Variants in ADGRD2 observed in about 807,000 individuals in gnomAD.
ADGRD2 encodes G protein-coupled receptor PGR24.
Under a neutral mutation model 44.4 loss-of-function variants are expected in ADGRD2, and 71 were observed. That is an observed-to-expected ratio of 1.60 (90% CI 1.32 to 1.95). The LOEUF is 1.95. Ranked by LOEUF, ADGRD2 falls within the 30% of genes most tolerant of loss-of-function variation. ADGRD2 has a pLI of 0.00. For missense variants in ADGRD2, 1,039 were observed against 512.4 expected, an observed-to-expected ratio of 2.03 and a Z score of -9.92; for synonymous variants, 481 against 224.8, an observed-to-expected ratio of 2.14 and a Z score of -10.19.
chr9:124,453,324 C>G (rs1373192900), exon 3 of ADGRD2: 3 of 496,398 alleles, frequency 6.0e-6, no homozygotes, highest in Non-Finnish European at 1.0e-5. Context: ...GCCGCTGGCA[C>G]CATGTGTGCG....
At chr9:124,466,981 GAACACC>G (rs1227796734) in intron 11 of ADGRD2, 1 of 152,774 alleles carries the variant, frequency 6.5e-6, no homozygotes, top group African/African-American at 2.4e-5. Flanking sequence ...TCACTACAAG[GAACACC>G]TTGTAGTGTT....
At chr9:124,452,012 A>ACCCCCCC, upstream of ADGRD2, 1 of 129,012 alleles carries the variant, frequency 7.8e-6, no homozygotes, top group Non-Finnish European at 1.6e-5. Context: ...CCTCCCACCC[A>ACCCCCCC]CCCCCAGAGT....
At chr9:124,470,028 G>C (rs565659379) in intron 16 of ADGRD2, among the ~76,000 whole-genome samples, 1 of 152,206 alleles carries the variant, frequency 6.6e-6, no homozygotes, top group African/African-American at 2.4e-5. Flanking sequence ...GACCCCACCG[G>C]CCTTTCCCAG....
exon 11 of ADGRD2, chr9:124,466,298 G>A: frequency 1.4e-6 from 1 of 714,374 alleles, no homozygotes; most frequent in South Asian, 1.5e-5. Flanking sequence ...CCATATACAG[G>A]GGGTGCCTGG....
chr9:124,469,337 T>C (rs1242561200), exon 15 of ADGRD2: 1 of 718,358 alleles, frequency 1.4e-6, no homozygotes, highest in South Asian at 1.5e-5. Flanking sequence ...TCGTGGGGCC[T>C]GTGCTCTTCG....
At chr9:124,460,388 A>ATTTTT (rs1554718954) in intron 10 of ADGRD2, among the ~76,000 whole-genome samples, 47 of 145,224 alleles carry the variant, frequency 3.2e-4, no homozygotes, top group East Asian at 2.2e-3. Flanking sequence ...ATATATATAT[A>ATTTTT]TTTTTTTTTA....
chr9:124,450,537 G>T (rs1241960352), upstream of ADGRD2, among the ~76,000 whole-genome samples: 1 of 152,278 alleles, frequency 6.6e-6, no homozygotes, highest in African/African-American at 2.4e-5. Context: ...GGGAACAGGG[G>T]AGGGACCAGC....
intron 3 of ADGRD2, 74 bp downstream of exon 6, chr9:124,453,750 C>T (rs1831555901): frequency 1.5e-6 from 1 of 646,090 alleles, no homozygotes; most frequent in African/African-American, 1.8e-5. Context: ...CTCGACCCAC[C>T]CCTTGCCAAC....
At chr9:124,452,055 G>T (rs753207580), upstream of ADGRD2, 25 of 713,350 alleles carry the variant, frequency 3.5e-5, no homozygotes, top group Non-Finnish European at 6.5e-5. Context: ...TGAGGGGAGG[G>T]TTGTCCCAGC....
chr9:124,468,231 G>T, intron 13 of ADGRD2, 41 bp downstream of exon 16: 2 of 717,520 alleles, frequency 2.8e-6, no homozygotes, highest in East Asian at 2.7e-5. Context: ...GGGGAAGCCT[G>T]GGAAAGTGCC....
rs557784622 is a variant in ADGRD2 at position 124,452,170 on chromosome 9, C to A, written c.68+12C>A. On this transcript the variant is annotated intron_variant, in intron 1 of 21. Transcript: ENST00000334810. ...TGGGCCCCAGGTTGGTATGAGGGAT[C>A]CCCCCAGGGAGGGTCCCAGTCCCCC... The A allele has an allele frequency of 1.7e-4, 121 of 712,594 alleles. No homozygotes were observed. Among genetic ancestry groups the A allele is most frequent in the Non-Finnish European group, 1.9e-4 (74 of 381,864 alleles). 44.1% of individuals were successfully genotyped at this position (712,594 alleles called of 1,614,324 possible).
At chr9:124,464,030 G>A (rs902502123) in intron 10 of ADGRD2, among the ~76,000 whole-genome samples, 2 of 151,836 alleles carry the variant, frequency 1.3e-5, no homozygotes, top group African/African-American at 4.8e-5. Context: ...TTCAGAGATA[G>A]GATCTCACTT....
upstream of ADGRD2, chr9:124,451,536 C>G (rs960585017): frequency 1.2e-5 from 4 of 323,720 alleles, no homozygotes; most frequent in Non-Finnish European, 1.8e-5. Context: ...AAAGGGCAAA[C>G]GGACCCTGCA....
At chr9:124,456,059 A>G (rs1264621126) in intron 6 of ADGRD2, among the ~76,000 whole-genome samples, 1 of 152,236 alleles carries the variant, frequency 6.6e-6, no homozygotes, top group Non-Finnish European at 1.5e-5. Context: ...GTGCAAGCCC[A>G]TAGTTGATTA....
rs1564139117 is a variant in ADGRD2, at chr9:124,458,225, CAG to C, written c.1754_1755del (p.Arg586GlyfsTer17). 2.1e-5 allele frequency: 15 copies of C among 718,494 alleles called. No individual in the cohort carries two copies. The South Asian group carries it at 2.2e-4, about 11-fold the overall frequency. 44.5% of individuals were successfully genotyped at this position (718,494 alleles called of 1,614,324 possible). On this transcript the variant is annotated frameshift_variant, in exon 9 of 22. Coordinates refer to ENST00000334810, the Ensembl canonical transcript of ADGRD2. LOFTEE classifies it high-confidence loss of function. Reference sequence around the variant, plus strand: ...CCCCTGCCAGCTCAGAGGAGGCAAACAGGGTGCAGAGGTGAGTAGGCGCCACC... The same window carrying C: ...CCCCTGCCAGCTCAGAGGAGGCAAACGGTGCAGAGGTGAGTAGGCGCCACC...
At chr9:124,476,624 C>A in intron 20 of ADGRD2, 55 bp from the exon 24 acceptor site, 2 of 681,852 alleles carry the variant, frequency 2.9e-6, no homozygotes, top group Non-Finnish European at 2.7e-6. Context: ...GTCCCCAGGG[C>A]AAGGGGCAGC....
In ADGRD2 at chr9:124,454,049, T is replaced by C; in HGVS notation, c.976T>C (p.Ser326Pro). ...GAACCCGGGACCTCGCAGTGAGGGCTCTGAGCTCTGCCTGGAGCCGCAGCC... is the reference window on the plus strand; with the variant it reads ...GAACCCGGGACCTCGCAGTGAGGGCCCTGAGCTCTGCCTGGAGCCGCAGCC... The change falls in exon 4 of 22, where the codon TCT becomes CCT. Residue 326 changes from serine to proline, a missense_variant. Ser to Pro is a moderately conservative substitution (Grantham distance 74). Coordinates refer to ENST00000334810, the Ensembl canonical transcript of ADGRD2. The surrounding 1 kb of genome is among the most constrained non-coding windows in gnomAD (Gnocchi z 4.5). 1.4e-6 allele frequency: 1 copy of C among 714,460 alleles called. No individual in the cohort carries two copies. The highest frequency in any genetic ancestry group is 2.6e-6 in the Non-Finnish European group (1 of 383,768). The allele number at this position is 714,460 out of a possible 1,614,324, so 44.3% of individuals were successfully genotyped here.
chr9:124,472,799 C>T (rs1458894344), intron 17 of ADGRD2, among the ~76,000 whole-genome samples: 1 of 152,242 alleles, frequency 6.6e-6, no homozygotes, highest in Non-Finnish European at 1.5e-5. Context: ...TGAGCCACCG[C>T]ACCCAGCCCT....
exon 3 of ADGRD2, chr9:124,453,211 G>T: frequency 1.6e-6 from 1 of 641,684 alleles, no homozygotes; most frequent in South Asian, 1.7e-5. Context: ...GCTGCCCAAC[G>T]CGCTGCAGCT....
Sources: gnomAD v4.1 joint callset for allele counts (sites outside exome capture counted in the v4.1 genomes callset) on GRCh38, gnomAD v4.1.1 for gene constraint, Gnocchi (gnomAD v3.1) non-coding constraint, MANE v1.5 for transcripts, NCBI Gene and HGNC (gene_info 2026-07-23, HGNC 2026-07-21) for gene names.